SLC25A26: variants seen among roughly 807,000 people sequenced by gnomAD.
SLC25A26 encodes the protein solute carrier family 25 member 26.
SLC25A26 carries 36 observed loss-of-function variants against 37.8 expected under a neutral mutation model. The ratio of observed to expected loss-of-function variants is 0.95; its 90% CI spans 0.73 to 1.26. The LOEUF (loss-of-function observed/expected upper bound fraction) is 1.26. Among genes scored for constraint, SLC25A26 ranks in the 50% most tolerant of loss-of-function variants. The pLI is 0.00. For missense variants in SLC25A26, 390 were observed against 331.1 expected, an observed-to-expected ratio of 1.18 and a Z score of -1.38; for synonymous variants, 129 against 122.5, an observed-to-expected ratio of 1.05 and a Z score of -0.35.
At chr3:66,212,355 G>C (rs2071295812) in intron 1 of SLC25A26, among the ~76,000 whole-genome samples, 4 of 151,854 alleles carry the variant, frequency 2.6e-5, no homozygotes. Flanking sequence ...GCTTGAAGTA[G>C]TCCTCCCATC....
intron 1 of SLC25A26, among the ~76,000 whole-genome samples, chr3:66,134,801 C>T (rs1254593844): frequency 6.6e-6 from 1 of 151,558 alleles, no homozygotes; most frequent in Non-Finnish European, 1.5e-5. Context: ...AGTTGTCATC[C>T]TTTGTCAATA....
intron 1 of SLC25A26, among the ~76,000 whole-genome samples, chr3:66,227,114 A>G (rs2071792366): frequency 6.6e-6 from 1 of 152,128 alleles, no homozygotes; most frequent in Admixed American, 6.5e-5. Flanking sequence ...TGTGCTTTCA[A>G]TGTTGTGAGT....
intron 5 of SLC25A26, among the ~76,000 whole-genome samples, chr3:66,332,956 A>G (rs1260036144): frequency 6.6e-6 from 1 of 151,880 alleles, no homozygotes; most frequent in Non-Finnish European, 1.5e-5. Context: ...TTTTTTCAGG[A>G]CAAGTGACAG....
chr3:66,347,877 A>G (rs2076362336), intron 6 of SLC25A26, among the ~76,000 whole-genome samples: 1 of 152,358 alleles, frequency 6.6e-6, no homozygotes, highest in East Asian at 1.9e-4. Context: ...ATGCAGGAAC[A>G]GAAAAGCAAA....
At chr3:66,293,088 T>C (rs1368910334) in intron 5 of SLC25A26, 1 of 152,032 alleles carries the variant, frequency 6.6e-6, no homozygotes, top group Non-Finnish European at 1.5e-5. Context: ...TGGCTATTAA[T>C]ACTTGTGTAT....
At chr3:66,353,925 T>C (rs1376667601) in intron 6 of SLC25A26, among the ~76,000 whole-genome samples, 1 of 152,252 alleles carries the variant, frequency 6.6e-6, no homozygotes, top group Non-Finnish European at 1.5e-5. Flanking sequence ...ACACAGCAGG[T>C]GTTTATGTAA....
At chr3:66,189,856 G>A (rs2070903252) in intron 1 of SLC25A26, among the ~76,000 whole-genome samples, 2 of 151,844 alleles carry the variant, frequency 1.3e-5, no homozygotes, top group Non-Finnish European at 2.9e-5. Flanking sequence ...ATAGAGACAA[G>A]GTCTTACCAT....
chr3:66,232,593 C>A lies in SLC25A26; in HGVS notation c.34-3951C>A, dbSNP rs150730649. Reference sequence around the variant, plus strand: ...GTGCTTGGAAACAACAAGATCTAAACCTGAACTGGAGATTAGGGGGCATCT... The same window carrying A: ...GTGCTTGGAAACAACAAGATCTAAAACTGAACTGGAGATTAGGGGGCATCT... On this transcript the variant is annotated intron_variant, in intron 1 of 9. Transcript: ENST00000354883. 5.5e-3 allele frequency among the ~76,000 whole-genome samples: 835 copies of A among 152,190 alleles called. 10 individuals carry two copies. The highest frequency in any genetic ancestry group is 0.019 in the African/African-American group (798 of 41,504).
At position 66,336,457 on chromosome 3, in the gene SLC25A26, C is replaced by T. The variant is rs367882765; in HGVS notation, c.454-9907C>T. 1.4e-4 allele frequency among the ~76,000 whole-genome samples: 21 copies of T among 152,138 alleles called. No individual in the cohort carries two copies. The East Asian group carries it at 2.5e-3, about 18-fold the overall frequency. On this transcript the variant is annotated intron_variant, in intron 5 of 9. Coordinates refer to ENST00000354883, the MANE Select transcript of SLC25A26 (RefSeq NM_001379210.1). ...TGCAAGAAAAAAATCTTAAGGCAAC[C>T]GGATTATATTTGATAAAAGATTAAA...
intron 1 of SLC25A26, among the ~76,000 whole-genome samples, chr3:66,135,996 T>C (rs562037497): frequency 1.3e-5 from 2 of 152,334 alleles, no homozygotes; most frequent in East Asian, 1.9e-4. Context: ...AGAAGTTAAC[T>C]TGAAAAGTGT....
intron 8 of SLC25A26, 107 bp downstream of exon 8, chr3:66,369,649 T>C: frequency 1.1e-6 from 1 of 933,948 alleles, no homozygotes; most frequent in Non-Finnish European, 1.7e-6. Context: ...TTACCTGTAA[T>C]AGCATCTTAT....
At chr3:66,225,428 A>G (rs934474066) in intron 1 of SLC25A26, among the ~76,000 whole-genome samples, 6 of 152,116 alleles carry the variant, frequency 3.9e-5, no homozygotes, top group Non-Finnish European at 7.4e-5. Context: ...AATGGCTGGG[A>G]CACAGGGCAC....
chr3:66,177,611 A>T (rs2070610711), intron 1 of SLC25A26, among the ~76,000 whole-genome samples: 1 of 152,186 alleles, frequency 6.6e-6, no homozygotes, highest in Non-Finnish European at 1.5e-5. Flanking sequence ...TTCTCACAAC[A>T]CACCCATCGT....
intron 3 of SLC25A26, among the ~76,000 whole-genome samples, chr3:66,254,860 G>A (rs2073238682): frequency 1.3e-5 from 2 of 152,234 alleles, no homozygotes; most frequent in Non-Finnish European, 2.9e-5. Context: ...TGTGAACTAT[G>A]TTGAAATAGT....
upstream of SLC25A26, among the ~76,000 whole-genome samples, chr3:66,219,404 T>A: frequency 6.6e-6 from 1 of 152,344 alleles, no homozygotes; most frequent in Middle Eastern, 3.4e-3. Context: ...AATTAAGGTC[T>A]CTAATCAGTT....
intron 1 of SLC25A26, among the ~76,000 whole-genome samples, chr3:66,212,682 T>A: frequency 6.6e-6 from 1 of 152,278 alleles, no homozygotes; most frequent in Middle Eastern, 3.4e-3. Context: ...CCATGCTACT[T>A]TTATCTCTAT....
intron 5 of SLC25A26, among the ~76,000 whole-genome samples, chr3:66,266,192 A>G (rs1477737681): frequency 6.6e-6 from 1 of 152,038 alleles, no homozygotes; most frequent in Non-Finnish European, 1.5e-5. Flanking sequence ...TAGTTGAGGT[A>G]TTGCTTTTGT....
chr3:66,223,124 C>T (rs1310692398), intron 1 of SLC25A26, among the ~76,000 whole-genome samples: 1 of 152,156 alleles, frequency 6.6e-6, no homozygotes, highest in Admixed American at 6.5e-5. Context: ...AAAACAGTTG[C>T]AATGAATAAG....
intron 3 of SLC25A26, among the ~76,000 whole-genome samples, chr3:66,247,624 A>G (rs1373679656): frequency 6.6e-6 from 1 of 152,176 alleles, no homozygotes; most frequent in Non-Finnish European, 1.5e-5. Context: ...TTGACCTTAA[A>G]TGGACTTTAA....
Sources: allele counts gnomAD v4.1 joint callset (sites outside exome capture counted in the v4.1 genomes callset), GRCh38; gene constraint gnomAD v4.1.1; transcripts MANE v1.5; gene names NCBI Gene and HGNC (gene_info 2026-07-23, HGNC 2026-07-21).